The following INSL6 variants were observed in gnomAD, a reference collection of about 807,000 sequenced individuals.
The protein encoded by INSL6 is insulin-like peptide INSL6.
Under a neutral mutation model 9.4 loss-of-function variants are expected in INSL6, and 16 were observed. The ratio of observed to expected loss-of-function variants is 1.70; its 90% CI spans 1.15 to 2.59. The LOEUF (loss-of-function observed/expected upper bound fraction) is 2.59. Ranked by LOEUF, INSL6 falls within the 30% of genes most tolerant of loss-of-function variation. INSL6 has a pLI of 0.00. For missense variants in INSL6, 391 were observed against 257.3 expected (o/e 1.52, Z -3.56); for synonymous variants, 154 against 96.9 (o/e 1.59, Z -3.46).
chr9:5,077,721 G>T, the INSL6 span: 1 of 480,208 alleles, frequency 2.1e-6, no homozygotes, highest in South Asian at 6.9e-5. Flanking sequence ...GTGATAAAAA[G>T]AGATTACTTT....
the INSL6 span, among the ~76,000 whole-genome samples, chr9:5,043,701 C>G: frequency 2.6e-5 from 4 of 152,192 alleles, no homozygotes; most frequent in African/African-American, 9.7e-5. Flanking sequence ...ACCCAAATGT[C>G]TGTCAGGCGA....
the INSL6 span, among the ~76,000 whole-genome samples, chr9:5,015,655 T>G: frequency 6.6e-6 from 1 of 152,090 alleles, no homozygotes; most frequent in African/African-American, 2.4e-5. Context: ...ATCCTATTGT[T>G]TTCTTTCTCG....
intron 1 of INSL6, among the ~76,000 whole-genome samples, chr9:5,180,332 GAAT>G (rs1825422784): frequency 6.6e-6 from 1 of 152,146 alleles, no homozygotes; most frequent in South Asian, 2.1e-4. Flanking sequence ...AAAAAGAACA[GAAT>G]AACAGCAATT....
chr9:5,104,241 G>A, the INSL6 span, among the ~76,000 whole-genome samples: 633 of 152,242 alleles, frequency 4.2e-3, 6 homozygotes, highest in African/African-American at 0.015. Flanking sequence ...TATCACCACC[G>A]ATCCCACAGA....
At chr9:5,136,252 C>G (rs546259687) in intron 2 of INSL6, among the ~76,000 whole-genome samples, 1 of 152,278 alleles carries the variant, frequency 6.6e-6, no homozygotes, top group East Asian at 1.9e-4. Flanking sequence ...AAGAGGGAAT[C>G]CTCCCTAACT....
chr9:5,179,709 T>C (rs1447436730), intron 1 of INSL6, among the ~76,000 whole-genome samples: 1 of 151,638 alleles, frequency 6.6e-6, no homozygotes, highest in Non-Finnish European at 1.5e-5. Context: ...ATGGATGGAG[T>C]TGGAAACCAT....
At chr9:4,995,079 A>G in the INSL6 span, among the ~76,000 whole-genome samples, 1 of 152,206 alleles carries the variant, frequency 6.6e-6, no homozygotes, top group Non-Finnish European at 1.5e-5. Context: ...CTACACCTTT[A>G]CTAACATTGT....
At chr9:5,088,827 A>C in the INSL6 span, among the ~76,000 whole-genome samples, 2 of 152,168 alleles carry the variant, frequency 1.3e-5, no homozygotes, top group South Asian at 2.1e-4. Context: ...GCCTTGTCAC[A>C]TTAGAGTTCC....
the INSL6 span, chr9:5,099,345 C>T: frequency 6.6e-6 from 1 of 152,188 alleles, no homozygotes; most frequent in East Asian, 1.9e-4. Context: ...CACTGTAAAG[C>T]TATTCAGCAT....
intron 1 of INSL6, among the ~76,000 whole-genome samples, chr9:5,183,697 C>G (rs1460867110): frequency 6.6e-6 from 1 of 151,898 alleles, no homozygotes; most frequent in Non-Finnish European, 1.5e-5. Context: ...GAGAGAAATG[C>G]CCACCCAACA....
the INSL6 span, among the ~76,000 whole-genome samples, chr9:5,051,165 C>T: frequency 6.6e-5 from 10 of 152,080 alleles, no homozygotes; most frequent in African/African-American, 2.2e-4. Flanking sequence ...AATAAAAAAT[C>T]ATATGGGTAA....
At chr9:5,037,301 A>G in the INSL6 span, among the ~76,000 whole-genome samples, 7 of 152,266 alleles carry the variant, frequency 4.6e-5, no homozygotes, top group South Asian at 1.4e-3. Context: ...CAGTGTGGCG[A>G]TTCCTCAGGG....
intron 1 of INSL6, among the ~76,000 whole-genome samples, chr9:5,182,837 A>G (rs766420808): frequency 1.1e-4 from 17 of 152,220 alleles, no homozygotes; most frequent in African/African-American, 4.1e-4. Context: ...ATGGTGCCAC[A>G]TTACGGGGTA....
At chr9:5,022,237 T>C in the INSL6 span, 1 of 1,513,048 alleles carries the variant, frequency 6.6e-7, no homozygotes, top group Non-Finnish European at 9.2e-7. Context: ...AACAGCATTT[T>C]CCTTTTTATG....
At chr9:5,002,912 G>A in the INSL6 span, among the ~76,000 whole-genome samples, 54 of 151,994 alleles carry the variant, frequency 3.6e-4, no homozygotes, top group African/African-American at 1.2e-3. Context: ...TTTGTGTACC[G>A]TATGAAGTAG....
chr9:5,105,296 A>G, the INSL6 span, among the ~76,000 whole-genome samples: 1 of 152,220 alleles, frequency 6.6e-6, no homozygotes, highest in East Asian at 1.9e-4. Flanking sequence ...TCATGAGTGA[A>G]CTATTCACAA....
chr9:5,133,952 A>C (rs1824340656), intron 2 of INSL6, among the ~76,000 whole-genome samples: 1 of 152,196 alleles, frequency 6.6e-6, no homozygotes, highest in Non-Finnish European at 1.5e-5. Context: ...ACACTGAAAA[A>C]AGGTTAGACA....
chr9:5,028,422 G>C, the INSL6 span, among the ~76,000 whole-genome samples: 5 of 152,174 alleles, frequency 3.3e-5, no homozygotes, highest in Admixed American at 3.3e-4. Flanking sequence ...CAGGGTAATT[G>C]AGCATAGTTC....
the INSL6 span, among the ~76,000 whole-genome samples, chr9:5,064,024 C>T: frequency 6.6e-6 from 1 of 151,984 alleles, no homozygotes; most frequent in East Asian, 1.9e-4. Context: ...GGCGTCTTGG[C>T]GTGTGCCTGT....
Sources: gnomAD v4.1 joint callset for allele counts (sites outside exome capture counted in the v4.1 genomes callset) on GRCh38, gnomAD v4.1.1 for gene constraint, MANE v1.5 for transcripts, NCBI Gene and HGNC (gene_info 2026-07-23, HGNC 2026-07-21) for gene names.